The following ZNF679 variants were observed in gnomAD, a reference collection of about 807,000 sequenced individuals.
The protein encoded by ZNF679 is zinc finger protein 679.
ZNF679 carries 10 observed loss-of-function variants against 13.4 expected under a neutral mutation model. The observed-to-expected ratio is 0.75, with a 90% CI of 0.46 to 1.27. The LOEUF (loss-of-function observed/expected upper bound fraction) is 1.27, where lower values mean the gene tolerates loss of function less well. ZNF679 is among the 50% of genes most tolerant of loss of function. The pLI is 0.00. For synonymous variants in ZNF679, 179 were observed against 162.5 expected (o/e 1.10, Z -0.77); for missense variants, 525 against 477.8 (o/e 1.10, Z -0.92).
At chr7:64,249,230 A>T (rs1787910601) in intron 2 of ZNF679, 74 bp downstream of exon 2, 5 of 1,613,140 alleles carry the variant, frequency 3.1e-6, no homozygotes, top group East Asian at 4.5e-5. Context: ...CTGTAGCAGG[A>T]CCCAAACTTC....
intron 1 of ZNF679, among the ~76,000 whole-genome samples, chr7:64,243,744 A>C (rs1787830874): frequency 6.6e-6 from 1 of 152,206 alleles, no homozygotes; most frequent in Non-Finnish European, 1.5e-5. Context: ...CCTAGGCAAA[A>C]GAGAAAAATC....
rs768999982 is a variant in ZNF679 at position 64,265,922 on chromosome 7, C to T, written c.289C>T (p.Leu97Phe). ...PVMCSHFTQD[L>F]PPELGIKDSL... ...TATGTGTTCTCATTTCACCCAAGAC[C>T]TTCCGCCAGAGCTAGGCATAAAAGA... The change falls in exon 5 of 5, where the codon CTT becomes TTT. Residue 97 changes from leucine (L) to phenylalanine (F), a missense_variant. Leu to Phe is a conservative substitution (Grantham distance 22). Transcript: ENST00000421025. 10 of 1,613,636 alleles carry T rather than the reference C, an allele frequency of 6.2e-6. No homozygotes were observed. Among genetic ancestry groups the T allele is most frequent in the African/African-American group, 4.0e-5 (3 of 74,986 alleles).
Position 64,236,922 on chromosome 7 carries a change from G to A in ZNF679, c.-91+8270G>A, listed in dbSNP as rs149980562. 3.4e-3 allele frequency among the ~76,000 whole-genome samples: 287 copies of A among 85,376 alleles called. 1 individual carries two copies. Among genetic ancestry groups the A allele is most frequent in the South Asian group, 0.025 (53 of 2,152 alleles). The allele number at this position is 85,376 out of a possible 152,430, so 56.0% of individuals were successfully genotyped here. ...AAAAAGAAAAAAAGAAAGAAAGAAAGAAGAAAGAAAGAAAGAAAGAAAGAA... is the reference window on the plus strand; with the variant it reads ...AAAAAGAAAAAAAGAAAGAAAGAAAAAAGAAAGAAAGAAAGAAAGAAAGAA... On this transcript the variant is annotated intron_variant, in intron 1 of 4. Coordinates refer to ENST00000421025, the MANE Select transcript of ZNF679 (RefSeq NM_153363.3).
In ZNF679 at chr7:64,260,825, A is replaced by G. The variant is rs1234687896; in HGVS notation, c.167-9A>G. ...AGATTTATGTTACTTTTTTTTCTTA[A>G]TAAAACAGGTATTGCTGTCTCTAAG... On this transcript the variant is annotated splice_polypyrimidine_tract_variant and intron_variant, in intron 3 of 4. Transcript: ENST00000421025. 73 of 1,594,644 alleles carry G rather than the reference A, an allele frequency of 4.6e-5. No individual in the cohort carries two copies. The highest frequency in any genetic ancestry group is 5.6e-5 in the Non-Finnish European group (66 of 1,174,696).
rs1013585335 is a variant in ZNF679, at chr7:64,257,782, T to C, written c.40-2439T>C. On this transcript the variant is annotated intron_variant, in intron 2 of 4. Coordinates refer to ENST00000421025, the MANE Select transcript of ZNF679 (RefSeq NM_153363.3). ...CCAGAAGTATTTATATTGTGACAAA[T>C]GTAGTGGGTGTAAGGGACTCTTTGC... 1.5e-4 allele frequency among the ~76,000 whole-genome samples: 23 copies of C among 152,300 alleles called. 1 individual carries two copies. The highest frequency in any genetic ancestry group is 5.5e-4 in the African/African-American group (23 of 41,558).
At chr7:64,254,220 G>A (rs1010264486) in intron 2 of ZNF679, among the ~76,000 whole-genome samples, 3 of 151,754 alleles carry the variant, frequency 2.0e-5, no homozygotes, top group African/African-American at 7.3e-5. Context: ...CATCTTTCAG[G>A]TTCAAACAAT....
chr7:64,260,866 T>G lies in ZNF679; in HGVS notation c.199T>G (p.Cys67Gly). ...TGTCTCTAAGCCAGACTTGATCACC[T>G]GTCTGGAGCAAAATAAAGAGCCTTG... ...IAVSKPDLIT[C>G]LEQNKEPWNI... The change falls in exon 4 of 5, where the codon TGT becomes GGT. Residue 67 changes from cysteine (C) to glycine (G), a missense_variant. Cys to Gly is a radical substitution (Grantham distance 159). Coordinates refer to ENST00000421025, the MANE Select transcript of ZNF679 (RefSeq NM_153363.3). The G allele has an allele frequency of 6.2e-7, 1 of 1,611,498 alleles. No homozygotes were observed. Among genetic ancestry groups the G allele is most frequent in the Non-Finnish European group, 8.5e-7 (1 of 1,179,412 alleles).
chr7:64,266,447 G>T lies in ZNF679; in HGVS notation c.814G>T (p.Glu272Ter), dbSNP rs765794959. The change falls in exon 5 of 5, where the codon GAA becomes TAA. Residue 272 changes from glutamate to a stop codon, truncating the protein, a stop_gained. Transcript: ENST00000421025. LOFTEE classifies it low-confidence loss of function (END_TRUNC). ...TGGAGAAAAACCCTACACATGTGAAGAATGTGGCCAAGCCTTTAGCCGCTC... is the reference window on the plus strand; with the variant it reads ...TGGAGAAAAACCCTACACATGTGAATAATGTGGCCAAGCCTTTAGCCGCTC... Reference protein sequence around the residue: ...HTGEKPYTCEECGQAFSRSST... With the variant: ...HTGEKPYTCE The T allele has an allele frequency of 6.2e-7, 1 of 1,611,792 alleles. No individual in the cohort carries two copies. Among genetic ancestry groups the T allele is most frequent in the Non-Finnish European group, 8.5e-7 (1 of 1,179,200 alleles).
intron 1 of ZNF679, among the ~76,000 whole-genome samples, chr7:64,248,066 G>A (rs1286291508): frequency 2.0e-5 from 3 of 151,964 alleles, no homozygotes; most frequent in African/African-American, 7.3e-5. Context: ...CATGGCTGAG[G>A]AATCCTCAGG....
At chr7:64,248,921 TATCCA>T in intron 1 of ZNF679, 102 bp from the exon 2 acceptor site, 1 of 803,784 alleles carries the variant, frequency 1.2e-6, no homozygotes, top group Non-Finnish European at 1.9e-6. Flanking sequence ...CCTGAAACCT[TATCCA>T]ATCAGGGGCC....
At chr7:64,234,725 T>G (rs1787685889) in intron 1 of ZNF679, among the ~76,000 whole-genome samples, 1 of 152,182 alleles carries the variant, frequency 6.6e-6, no homozygotes, top group South Asian at 2.1e-4. Context: ...ATGGGTGTGT[T>G]CTAAGCCACT....
chr7:64,257,127 T>C (rs1457144679), intron 2 of ZNF679, among the ~76,000 whole-genome samples: 2 of 152,206 alleles, frequency 1.3e-5, no homozygotes, highest in African/African-American at 4.8e-5. Flanking sequence ...AGTTGGTTAT[T>C]TGAAGTTAGT....
intron 1 of ZNF679, among the ~76,000 whole-genome samples, chr7:64,236,020 A>C (rs1457471446): frequency 6.6e-6 from 1 of 152,140 alleles, no homozygotes; most frequent in African/African-American, 2.4e-5. Flanking sequence ...TAATCCCAAC[A>C]CTGTGGGAGG....
intron 4 of ZNF679, among the ~76,000 whole-genome samples, chr7:64,261,337 G>A (rs1055939397): frequency 2.0e-5 from 3 of 152,020 alleles, no homozygotes; most frequent in Non-Finnish European, 2.9e-5. Context: ...GTGGTTGTCC[G>A]TTTTTCTGCA....
chr7:64,229,271 A>G (rs977590837), intron 1 of ZNF679, among the ~76,000 whole-genome samples: 10 of 152,188 alleles, frequency 6.6e-5, no homozygotes, highest in African/African-American at 2.2e-4. Flanking sequence ...TACTGTACGC[A>G]TGAGTGTTGT....
At chr7:64,231,064 CTG>C (rs1481125636) in intron 1 of ZNF679, among the ~76,000 whole-genome samples, 1 of 152,174 alleles carries the variant, frequency 6.6e-6, no homozygotes, top group Non-Finnish European at 1.5e-5. Flanking sequence ...ACAGTCCCAT[CTG>C]TGTGCTGAGC....
intron 1 of ZNF679, among the ~76,000 whole-genome samples, chr7:64,229,132 A>G (rs1180149061): frequency 6.6e-6 from 1 of 152,134 alleles, no homozygotes; most frequent in Non-Finnish European, 1.5e-5. Flanking sequence ...CAGGTATGAG[A>G]GTCATCACCA....
At chr7:64,232,491 C>A (rs943693068) in intron 1 of ZNF679, among the ~76,000 whole-genome samples, 4 of 152,168 alleles carry the variant, frequency 2.6e-5, no homozygotes, top group Non-Finnish European at 5.9e-5. Flanking sequence ...AGATATATGT[C>A]AATCCCATCA....
At chr7:64,240,298 G>T (rs1787781294) in intron 1 of ZNF679, among the ~76,000 whole-genome samples, 1 of 152,118 alleles carries the variant, frequency 6.6e-6, no homozygotes, top group South Asian at 2.1e-4. Context: ...TGACTCTTAT[G>T]TCTGGTTCCT....
Sources: gnomAD v4.1 joint callset for allele counts (sites outside exome capture counted in the v4.1 genomes callset) on GRCh38, gnomAD v4.1.1 for gene constraint, MANE v1.5 for transcripts, NCBI Gene and HGNC (gene_info 2026-07-23, HGNC 2026-07-21) for gene names.